ELMOD2: variants seen among roughly 807,000 people sequenced by gnomAD.
ELMOD2 encodes ELMO domain containing 2.
ELMOD2 carries 28 observed loss-of-function variants against 41.0 expected under a neutral mutation model. That is an observed-to-expected ratio of 0.68 (90% CI 0.51 to 0.94). The LOEUF is 0.94. Ranked by LOEUF, ELMOD2 falls within the 40% of genes least tolerant of loss-of-function variation. The pLI is 0.00. For missense variants in ELMOD2, 333 were observed against 343.1 expected (o/e 0.97, Z 0.23); for synonymous variants, 106 against 107.2 (o/e 0.99, Z 0.07).
chr4:140,524,526 T>A, intron 1 of ELMOD2: 1 of 917,652 alleles, frequency 1.1e-6, no homozygotes, highest in South Asian at 5.0e-5. Flanking sequence ...AGTTCTGCGC[T>A]TTTGTCCTAA....
rs376850171 is a variant in ELMOD2 at position 140,524,170 on chromosome 4, C to T, written c.-120C>T. 7.9e-5 allele frequency: 12 copies of T among 152,350 alleles called. No homozygotes were observed. Among genetic ancestry groups the T allele is most frequent in the African/African-American group, 2.9e-4 (12 of 41,458 alleles). The allele number at this position is 152,350 out of a possible 1,614,324, so 9.4% of individuals were successfully genotyped here. ...GCGGGTCCGCGGCCTCGCTCCCTGA[C>T]TTCCGGGTCGCGGTGCTTGAAGGGA... On this transcript the variant is annotated 5_prime_UTR_variant, in exon 1 of 9. Transcript: ENST00000323570.
Position 140,535,790 on chromosome 4 carries a change from A to G in ELMOD2, c.229A>G (p.Ile77Val), listed in dbSNP as rs1310156754. 1 of 1,610,710 alleles carries G rather than the reference A, an allele frequency of 6.2e-7. No homozygotes were observed. Among genetic ancestry groups the G allele is most frequent in the Non-Finnish European group, 8.5e-7 (1 of 1,179,112 alleles). ...QSEVDKYVDD[I>V]MKEKNINPEK... ...TGAAGTGGACAAATATGTAGATGAT[A>G]TTATGAAGGAAAAGAATATTAACCC... Residue 77 changes from isoleucine to valine, a missense_variant, in exon 4 of 9, where the codon ATT (isoleucine) becomes GTT (valine). Transcript: ENST00000323570.
Position 140,551,349 on chromosome 4 carries a change from T to A in ELMOD2, c.*974T>A, listed in dbSNP as rs920451066. ...CATCATTGGTTTATTTGACTTACTG[T>A]TAACTCTTGCTTCTCTTTGACTCCA... is the stretch of plus-strand genomic sequence containing the variant. On this transcript the variant is annotated 3_prime_UTR_variant, in exon 9 of 9. Coordinates refer to ENST00000323570, the MANE Select transcript of ELMOD2 (RefSeq NM_153702.4). 6.6e-6 allele frequency: 1 copy of A among 152,128 alleles called. No individual in the cohort carries two copies. The allele number at this position is 152,128 out of a possible 1,614,324, so 9.4% of individuals were successfully genotyped here. A position where few individuals can be genotyped will look rare whatever the true frequency, so the allele number is the denominator to read the frequency against.
At chr4:140,530,591 C>T (rs1040573971) in intron 3 of ELMOD2, among the ~76,000 whole-genome samples, 2 of 152,122 alleles carry the variant, frequency 1.3e-5, no homozygotes, top group Non-Finnish European at 2.9e-5. Flanking sequence ...TTATGAACTT[C>T]ATTATTCAAA....
chr4:140,553,050 C>G lies in ELMOD2; in HGVS notation c.*2675C>G, dbSNP rs146350443. 2.0e-5 allele frequency: 3 copies of G among 152,058 alleles called. No homozygotes were observed. Among genetic ancestry groups the G allele is most frequent in the East Asian group, 1.9e-4 (1 of 5,194 alleles). The allele number at this position is 152,058 out of a possible 1,614,324, so 9.4% of individuals were successfully genotyped here. A position where few individuals can be genotyped will look rare whatever the true frequency, so the allele number is the denominator to read the frequency against. On this transcript the variant is annotated 3_prime_UTR_variant, in exon 9 of 9. Coordinates refer to ENST00000323570, the MANE Select transcript of ELMOD2 (RefSeq NM_153702.4). ...ATCTGATTTCTATTTTTAGGAGCTA[C>G]TTGGATTTGTATGTATTTTTTCTAC...
intron 3 of ELMOD2, among the ~76,000 whole-genome samples, chr4:140,534,247 A>T (rs886209693): frequency 6.6e-6 from 1 of 152,178 alleles, no homozygotes; most frequent in African/African-American, 2.4e-5. Flanking sequence ...AAGAATGTGG[A>T]TATGAGTAAG....
chr4:140,525,372 A>G, intron 1 of ELMOD2, 48 bp from the exon 2 acceptor site: 1 of 1,553,936 alleles, frequency 6.4e-7, no homozygotes, highest in Non-Finnish European at 8.7e-7. Context: ...AAATTTTAAA[A>G]TTCAGTTTAA....
At chr4:140,544,633 C>G (rs1045959305) in intron 8 of ELMOD2, among the ~76,000 whole-genome samples, 2 of 152,104 alleles carry the variant, frequency 1.3e-5, no homozygotes, top group African/African-American at 4.8e-5. Flanking sequence ...CCAGGCTCAT[C>G]TTTTGCCATA....
At chr4:140,541,894 T>C (rs1225094655) in intron 6 of ELMOD2, among the ~76,000 whole-genome samples, 1 of 152,092 alleles carries the variant, frequency 6.6e-6, no homozygotes, top group Non-Finnish European at 1.5e-5. Context: ...TCCTCTAAAA[T>C]GTAAATAAAC....
chr4:140,533,519 T>G (rs1456008881), intron 3 of ELMOD2, among the ~76,000 whole-genome samples: 1 of 152,160 alleles, frequency 6.6e-6, no homozygotes, highest in Non-Finnish European at 1.5e-5. Context: ...AATACGGATG[T>G]TAGACCTATG....
In ELMOD2 at chr4:140,552,074, A is replaced by G. The variant is rs555567906; in HGVS notation, c.*1699A>G. 1 of 152,152 alleles carries G rather than the reference A, an allele frequency of 6.6e-6. No homozygotes were observed. The highest frequency in any genetic ancestry group is 1.5e-5 in the Non-Finnish European group (1 of 67,898). The allele number at this position is 152,152 out of a possible 1,614,324, so 9.4% of individuals were successfully genotyped here. On this transcript the variant is annotated 3_prime_UTR_variant, in exon 9 of 9. Transcript: ENST00000323570. ...TTTTCATGCTTTATTGTCCAGCTATACAATATGTCGCAAAATCCTGACAAG... is the reference window on the plus strand; with the variant it reads ...TTTTCATGCTTTATTGTCCAGCTATGCAATATGTCGCAAAATCCTGACAAG...
rs144516299 is a variant in ELMOD2 at position 140,547,386 on chromosome 4, G to A, written c.737-2844G>A. On this transcript the variant is annotated intron_variant, in intron 8 of 8. Coordinates refer to ENST00000323570, the MANE Select transcript of ELMOD2 (RefSeq NM_153702.4). ...ACGTCCAAACTGTGAGCAGCTATCC[G>A]CCATGATTCTGGGAAGTTACCACTA... 2.0e-4 allele frequency among the ~76,000 whole-genome samples: 30 copies of A among 152,160 alleles called. No homozygotes were observed. In the East Asian group the frequency reaches 3.5e-3, roughly 18 times the overall value.
In ELMOD2 at chr4:140,540,154, A is replaced by T. The variant is rs777263388; in HGVS notation, c.400-14A>T. 1.6e-5 allele frequency: 26 copies of T among 1,609,702 alleles called. No individual in the cohort carries two copies. In the South Asian group the frequency reaches 2.8e-4, roughly 17 times the overall value. On this transcript the variant is annotated splice_polypyrimidine_tract_variant and intron_variant, in intron 5 of 8. Coordinates refer to ENST00000323570, the MANE Select transcript of ELMOD2 (RefSeq NM_153702.4). ...GAAAGAAAATGTCTTAATAATGGAA[A>T]TATATTTGTACAGCTTTGGAATCTT...
At chr4:140,527,972 A>G (rs1258328478) in intron 3 of ELMOD2, 1 of 153,232 alleles carries the variant, frequency 6.5e-6, no homozygotes, top group East Asian at 1.9e-4. Flanking sequence ...TCTTGCTCAT[A>G]TGTCTATGGG....
intron 8 of ELMOD2, among the ~76,000 whole-genome samples, chr4:140,544,423 CTG>C (rs1344085916): frequency 1.3e-5 from 2 of 152,130 alleles, no homozygotes; most frequent in Non-Finnish European, 2.9e-5. Flanking sequence ...CCCATTGTAA[CTG>C]TACAATATCA....
At chr4:140,531,383 CTT>C (rs1199434462) in intron 3 of ELMOD2, among the ~76,000 whole-genome samples, 4 of 152,172 alleles carry the variant, frequency 2.6e-5, no homozygotes, top group East Asian at 3.8e-4. Context: ...AAATTAATGA[CTT>C]ATTCGAATTT....
chr4:140,553,360 C>T lies in ELMOD2; in HGVS notation c.*2985C>T, dbSNP rs1735520371. On this transcript the variant is annotated 3_prime_UTR_variant, in exon 9 of 9. Transcript: ENST00000323570. ...TTTTCTCAGGATAAATGCTCTACCC[C>T]ACTTCTCTATGAACAGGTGTGGGGA... is the stretch of plus-strand genomic sequence containing the variant. 1 of 152,116 alleles carries T rather than the reference C, an allele frequency of 6.6e-6. No homozygotes were observed. The highest frequency in any genetic ancestry group is 1.5e-5 in the Non-Finnish European group (1 of 67,980). 9.4% of individuals were successfully genotyped at this position (152,116 alleles called of 1,614,324 possible).
intron 5 of ELMOD2, 23 bp from the exon 6 acceptor site, chr4:140,540,145 A>G: frequency 1.2e-6 from 2 of 1,607,610 alleles, no homozygotes; most frequent in Non-Finnish European, 1.7e-6. Flanking sequence ...AAATGTCTTA[A>G]TAATGGAAAT....
Position 140,548,952 on chromosome 4 carries a change from A to C in ELMOD2, c.737-1278A>C, listed in dbSNP as rs369961531. Among the ~76,000 whole-genome samples, 4 of 152,272 alleles carry C rather than the reference A, an allele frequency of 2.6e-5. No individual in the cohort carries two copies. In the South Asian group the frequency reaches 6.2e-4, roughly 24 times the overall value. ...TATGTATGATTTGATAAGTTTTAAC[A>C]TATGTATACACCTGTGAAACCATCT... On this transcript the variant is annotated intron_variant, in intron 8 of 8. Transcript: ENST00000323570.
Sources: allele counts gnomAD v4.1 joint callset (sites outside exome capture counted in the v4.1 genomes callset), GRCh38; gene constraint gnomAD v4.1.1; transcripts MANE v1.5; gene names NCBI Gene and HGNC (gene_info 2026-07-23, HGNC 2026-07-21).